FRMPD1: variants seen among roughly 807,000 people sequenced by gnomAD.
The protein encoded by FRMPD1 is FERM and PDZ domain-containing protein 1.
Under a neutral mutation model 117.8 loss-of-function variants are expected in FRMPD1, and 76 were observed. The ratio of observed to expected loss-of-function variants is 0.65; its 90% confidence interval spans 0.54 to 0.78. FRMPD1 has a LOEUF of 0.78. Among genes scored for constraint, FRMPD1 ranks in the 30% least tolerant of loss-of-function variants. FRMPD1 has a pLI of 0.00. For synonymous variants in FRMPD1, 783 were observed against 770.4 expected (o/e 1.02, Z -0.27); for missense variants, 1,786 against 1,964.5 (o/e 0.91, Z 1.72).
At chr9:37,724,703 C>A (rs762930778) in intron 7 of FRMPD1, among the ~76,000 whole-genome samples, 1 of 152,208 alleles carries the variant, frequency 6.6e-6, no homozygotes, top group African/African-American at 2.4e-5. Flanking sequence ...AAGGCCCAGG[C>A]GCTGCCTATT....
upstream of FRMPD1, among the ~76,000 whole-genome samples, chr9:37,650,737 G>A (rs1366445177): frequency 2.6e-5 from 4 of 152,022 alleles, no homozygotes; most frequent in Non-Finnish European, 5.9e-5. Context: ...TGAGGCAGGC[G>A]GCGGAGGCAG....
At chr9:37,603,273 C>T in the FRMPD1 span, among the ~76,000 whole-genome samples, 1 of 152,180 alleles carries the variant, frequency 6.6e-6, no homozygotes, top group Non-Finnish European at 1.5e-5. Context: ...TCTACAGTCT[C>T]TTCCAGGATT....
chr9:37,684,884 G>A (rs1563930433), intron 1 of FRMPD1, among the ~76,000 whole-genome samples: 1 of 152,110 alleles, frequency 6.6e-6, no homozygotes, highest in Non-Finnish European at 1.5e-5. Context: ...TTCCCGATTA[G>A]CTGGGATTAC....
chr9:37,711,890 G>T (rs1308952487), intron 5 of FRMPD1, among the ~76,000 whole-genome samples: 1 of 152,152 alleles, frequency 6.6e-6, no homozygotes, highest in Non-Finnish European at 1.5e-5. Flanking sequence ...GGAGGAAGCG[G>T]CAATCCTAAA....
chr9:37,733,481 G>A lies in FRMPD1; in HGVS notation c.1004G>A (p.Trp335Ter). ...KISLKYIEKD[W>*]GIENFISPTL... ...CCAATGTCTCATGGCAGGAAAGACT[G>A]GGGAATAGAGAACTTTATATCTCCA... The change falls in exon 11 of 16, where the codon TGG (tryptophan) becomes TAG (stop). Residue 335 changes from tryptophan to a stop codon, truncating the protein, a stop_gained. Transcript: ENST00000377765. LOFTEE classifies it high-confidence loss of function. 6.2e-7 allele frequency: 1 copy of A among 1,613,426 alleles called. No homozygotes were observed. Among genetic ancestry groups the A allele is most frequent in the Non-Finnish European group, 8.5e-7 (1 of 1,179,682 alleles).
intron 1 of FRMPD1, among the ~76,000 whole-genome samples, chr9:37,686,998 A>C (rs1821971112): frequency 6.6e-6 from 1 of 152,208 alleles, no homozygotes; most frequent in Non-Finnish European, 1.5e-5. Context: ...TGGAGACCTC[A>C]GATTGCATGA....
chr9:37,724,309 A>G lies in FRMPD1; in HGVS notation c.601A>G (p.Thr201Ala), dbSNP rs1442538310. 1.3e-6 allele frequency: 2 copies of G among 1,556,238 alleles called. No homozygotes were observed. The highest frequency in any genetic ancestry group is 2.7e-5 in the African/African-American group (2 of 73,902). Residue 201 changes from threonine to alanine, a missense_variant, in exon 7 of 16, where the codon ACA (threonine) becomes GCA (alanine). Physicochemically the swap from Thr to Ala is moderately conservative, Grantham distance 58. Transcript: ENST00000377765. ...QTKAFKFEAN[T>A]TVKDIILTVK... ...CAAAGCTTTCAAGTTTGAGGCAAAC[A>G]CAACCGTGAAGGTATTAAGAATAAA... is the stretch of plus-strand genomic sequence containing the variant.
rs201150264 is a variant in FRMPD1, at chr9:37,746,214, G to A, written c.4182G>A (p.Ser1394=). ...RAHSCTTAPL[S]RKSHIWPEYC... is the part of the protein sequence containing the mutation. ...ACAGCTGCACCACCGCACCCCTGTC[G>A]AGGAAAAGCCACATCTGGCCAGAGT... is the stretch of plus-strand genomic sequence containing the variant. The change falls in exon 16 of 16, where the codon TCG becomes TCA. Residue 1394 remains serine (S), a synonymous_variant. Coordinates refer to ENST00000377765, the MANE Select transcript of FRMPD1 (RefSeq NM_014907.3). 2.5e-5 allele frequency: 40 copies of A among 1,613,214 alleles called. No individual in the cohort carries two copies. The East Asian group carries it at 3.1e-4, about 13-fold the overall frequency.
intron 5 of FRMPD1, among the ~76,000 whole-genome samples, chr9:37,713,933 C>T (rs187655534): frequency 6.6e-6 from 1 of 152,254 alleles, no homozygotes; most frequent in East Asian, 1.9e-4. Context: ...AAATATAAAC[C>T]TTCTGTGGTC....
chr9:37,662,682 T>G (rs533645651), intron 1 of FRMPD1, among the ~76,000 whole-genome samples: 119 of 152,354 alleles, frequency 7.8e-4, no homozygotes, highest in Non-Finnish European at 1.3e-3. Flanking sequence ...TAGGATTTTT[T>G]GCTTTGAATT....
intron 1 of FRMPD1, among the ~76,000 whole-genome samples, chr9:37,654,066 G>A (rs746652151): frequency 1.1e-4 from 17 of 152,154 alleles, no homozygotes; most frequent in Admixed American, 6.5e-4. Flanking sequence ...TCAATCAATG[G>A]TTGTTCATAG....
intron 2 of FRMPD1, among the ~76,000 whole-genome samples, chr9:37,700,077 T>A (rs1202210076): frequency 6.6e-6 from 1 of 152,200 alleles, no homozygotes; most frequent in Non-Finnish European, 1.5e-5. Context: ...TTTCTAATAC[T>A]ATTAATGGTG....
At chr9:37,688,112 G>A (rs1293968628) in intron 1 of FRMPD1, among the ~76,000 whole-genome samples, 1 of 151,344 alleles carries the variant, frequency 6.6e-6, no homozygotes, top group Non-Finnish European at 1.5e-5. Flanking sequence ...TCAATGTGAT[G>A]GATTTATGTG....
At chr9:37,721,017 C>T (rs1237309097) in intron 6 of FRMPD1, among the ~76,000 whole-genome samples, 3 of 152,220 alleles carry the variant, frequency 2.0e-5, no homozygotes, top group Non-Finnish European at 4.4e-5. Context: ...TGGACAGGGT[C>T]ACCTGGTTGA....
Position 37,729,783 on chromosome 9 carries a change from C to T in FRMPD1, c.668C>T (p.Ala223Val). 6.2e-7 allele frequency: 1 copy of T among 1,613,900 alleles called. No individual in the cohort carries two copies. The highest frequency in any genetic ancestry group is 1.1e-5 in the South Asian group (1 of 91,084). Reference protein sequence around the residue: ...KLSIRSIEYFALALEEQYSIS... With the variant: ...KLSIRSIEYFVLALEEQYSIS... ...TCCATCCGAAGTATCGAGTACTTTG[C>T]ACTGGCCCTGGAAGAGCAGTACAGC... The change falls in exon 8 of 16, where the codon GCA becomes GTA. Residue 223 changes from alanine (A) to valine (V), a missense_variant. By Grantham distance (64) the Ala-to-Val change is moderately conservative (BLOSUM62 0). Transcript: ENST00000377765.
intron 5 of FRMPD1, among the ~76,000 whole-genome samples, chr9:37,714,576 G>GTTTAT (rs879932382): frequency 0.018 from 2,622 of 144,508 alleles, 25 homozygotes; most frequent in Middle Eastern, 0.045. Context: ...CTCCGAAGAA[G>GTTTAT]TTTATTTTAT....
At chr9:37,634,592 T>C in the FRMPD1 span, among the ~76,000 whole-genome samples, 1 of 152,206 alleles carries the variant, frequency 6.6e-6, no homozygotes, top group East Asian at 1.9e-4. Context: ...ACAGCTCTTG[T>C]CCTGCCGCTT....
intron 1 of FRMPD1, among the ~76,000 whole-genome samples, chr9:37,656,879 C>T (rs1820859181): frequency 6.6e-6 from 1 of 151,890 alleles, no homozygotes; most frequent in African/African-American, 2.4e-5. Flanking sequence ...CAATCCTTTC[C>T]CAAGCTGGCT....
At chr9:37,725,484 C>G (rs1823582707) in intron 7 of FRMPD1, among the ~76,000 whole-genome samples, 1 of 152,192 alleles carries the variant, frequency 6.6e-6, no homozygotes. Flanking sequence ...AATGTACATA[C>G]ACCTGTACGC....
Sources: allele counts gnomAD v4.1 joint callset (sites outside exome capture counted in the v4.1 genomes callset), GRCh38; gene constraint gnomAD v4.1.1; transcripts MANE v1.5; gene names NCBI Gene and HGNC (gene_info 2026-07-23, HGNC 2026-07-21).